Variants in CDK14 observed in about 807,000 individuals in gnomAD.
CDK14 encodes the protein cyclin-dependent kinase 14.
CDK14 carries 34 observed loss-of-function variants against 60.7 expected under a neutral mutation model. The ratio of observed to expected loss-of-function variants is 0.56; its 90% CI spans 0.43 to 0.75. CDK14 has a LOEUF of 0.75. CDK14 is among the 30% of genes least tolerant of loss of function. The probability of loss-of-function intolerance (pLI) is 0.00; values close to 1 mark genes in which losing one functional copy is unlikely to be tolerated. For synonymous variants in CDK14, 197 were observed against 203.7 expected, an observed-to-expected ratio of 0.97 and a Z score of 0.28; for missense variants, 482 against 564.1, an observed-to-expected ratio of 0.85 and a Z score of 1.47.
At chr7:90,722,565 G>A (rs768959549) in intron 2 of CDK14, among the ~76,000 whole-genome samples, 8 of 152,116 alleles carry the variant, frequency 5.3e-5, no homozygotes, top group East Asian at 1.9e-4. Context: ...AATGGTAAAC[G>A]TGAAATGTTT....
chr7:90,678,747 A>G (rs1488422218), intron 2 of CDK14, among the ~76,000 whole-genome samples: 1 of 152,154 alleles, frequency 6.6e-6, no homozygotes, highest in East Asian at 1.9e-4. Flanking sequence ...TTCATTGTTC[A>G]TTCATTCATT....
At chr7:91,056,677 C>A (rs1032282011) in intron 11 of CDK14, among the ~76,000 whole-genome samples, 21 of 151,342 alleles carry the variant, frequency 1.4e-4, no homozygotes, top group Non-Finnish European at 2.5e-4. Context: ...TTTGTCTTTG[C>A]GATAGTTTGC....
chr7:91,049,043 A>AT (rs35843929), intron 11 of CDK14, among the ~76,000 whole-genome samples: 97,602 of 148,104 alleles, frequency 0.66, 32,462 homozygotes, highest in East Asian at 0.91. Context: ...ATGTCTGGCT[A>AT]TTTTTTTTTT....
chr7:91,150,448 G>C (rs1394014557), intron 14 of CDK14, among the ~76,000 whole-genome samples: 2 of 151,290 alleles, frequency 1.3e-5, no homozygotes, highest in East Asian at 3.9e-4. Flanking sequence ...TTTCCAGATT[G>C]GTCTAAAAGG....
chr7:90,643,001 GT>G (rs1800376142), intron 2 of CDK14, among the ~76,000 whole-genome samples: 1 of 152,202 alleles, frequency 6.6e-6, no homozygotes, highest in Non-Finnish European at 1.5e-5. Context: ...ACTCAGAAAA[GT>G]TCCACATCTC....
intron 2 of CDK14, among the ~76,000 whole-genome samples, chr7:90,654,142 C>G (rs1335100593): frequency 6.6e-6 from 1 of 152,100 alleles, no homozygotes; most frequent in Non-Finnish European, 1.5e-5. Flanking sequence ...GTAAGGCATG[C>G]CTTCCTTTCT....
chr7:91,126,804 C>G (rs77977178), intron 14 of CDK14, among the ~76,000 whole-genome samples: 4 of 151,450 alleles, frequency 2.6e-5, no homozygotes, highest in African/African-American at 9.7e-5. Flanking sequence ...AGCCGCTTGC[C>G]TACTCCCTCA....
At chr7:90,808,475 A>G (rs949454458) in intron 5 of CDK14, among the ~76,000 whole-genome samples, 1 of 152,222 alleles carries the variant, frequency 6.6e-6, no homozygotes, top group African/African-American at 2.4e-5. Context: ...AGCACTAAAC[A>G]TAGAAAGGAA....
chr7:90,732,880 A>C (rs1311013889), intron 3 of CDK14, among the ~76,000 whole-genome samples: 1 of 152,126 alleles, frequency 6.6e-6, no homozygotes, highest in Non-Finnish European at 1.5e-5. Context: ...GTCTTCTGCT[A>C]GCTTTTGAAT....
intron 5 of CDK14, among the ~76,000 whole-genome samples, chr7:90,825,520 C>G (rs1789692896): frequency 6.6e-6 from 1 of 152,180 alleles, no homozygotes; most frequent in African/African-American, 2.4e-5. Flanking sequence ...ACATTTATAT[C>G]TTACTTAGAG....
At chr7:90,598,791 G>A (rs372755203) in intron 1 of CDK14, among the ~76,000 whole-genome samples, 1 of 128,440 alleles carries the variant, frequency 7.8e-6, no homozygotes, top group African/African-American at 2.9e-5. Context: ...TGCAAGCTCC[G>A]CCTCCCGGGT....
chr7:90,859,817 T>A (rs1790946336), intron 5 of CDK14, among the ~76,000 whole-genome samples: 2 of 152,080 alleles, frequency 1.3e-5, no homozygotes, highest in South Asian at 4.1e-4. Flanking sequence ...TGTATTATTA[T>A]TTGCCAAGGG....
At chr7:91,152,758 G>A (rs1283165404) in intron 14 of CDK14, among the ~76,000 whole-genome samples, 1 of 152,144 alleles carries the variant, frequency 6.6e-6, no homozygotes. Flanking sequence ...AAAATATGAT[G>A]TAGGAGACAG....
At chr7:91,112,290 G>A (rs1428916698) in intron 12 of CDK14, among the ~76,000 whole-genome samples, 7 of 151,766 alleles carry the variant, frequency 4.6e-5, no homozygotes, top group African/African-American at 9.7e-5. Context: ...TTATCTTTTC[G>A]GAAAGTATCA....
chr7:90,795,391 A>G lies in CDK14; in HGVS notation c.544+4739A>G, dbSNP rs1788379019. Among the ~76,000 whole-genome samples, 4 of 151,794 alleles carry G rather than the reference A, an allele frequency of 2.6e-5. No homozygotes were observed. The South Asian group carries it at 8.3e-4, about 31-fold the overall frequency. On this transcript the variant is annotated intron_variant, in intron 5 of 14. Coordinates refer to ENST00000380050, the MANE Select transcript of CDK14 (RefSeq NM_001287135.2). ...TTCCGGTATAGTTGTGTCTACTTAC[A>G]TATTTAAAGACTTTGTTTTATTATA... is the stretch of plus-strand genomic sequence containing the variant.
At chr7:90,800,043 A>AC (rs1788578907) in intron 5 of CDK14, among the ~76,000 whole-genome samples, 1 of 152,052 alleles carries the variant, frequency 6.6e-6, no homozygotes, top group Non-Finnish European at 1.5e-5. Context: ...GGAAAAGGGG[A>AC]CCTCTCATGG....
intron 14 of CDK14, among the ~76,000 whole-genome samples, chr7:91,181,862 CA>C (rs1282837493): frequency 2.0e-5 from 3 of 152,070 alleles, no homozygotes; most frequent in Admixed American, 6.5e-5. Context: ...TTTCCTGCTC[CA>C]GACATGGAAT....
At chr7:91,166,066 A>G (rs945808244) in intron 14 of CDK14, among the ~76,000 whole-genome samples, 2 of 152,200 alleles carry the variant, frequency 1.3e-5, no homozygotes, top group African/African-American at 2.4e-5. Flanking sequence ...ACACAAACCA[A>G]CTATCACAAA....
chr7:90,946,033 C>CA (rs1295920271), intron 8 of CDK14, among the ~76,000 whole-genome samples: 3 of 152,022 alleles, frequency 2.0e-5, no homozygotes, highest in Non-Finnish European at 4.4e-5. Context: ...GTGGCAGCAG[C>CA]AGTGGGGAAA....
Sources: gnomAD v4.1 joint callset for allele counts (sites outside exome capture counted in the v4.1 genomes callset) on GRCh38, gnomAD v4.1.1 for gene constraint, MANE v1.5 for transcripts, NCBI Gene and HGNC (gene_info 2026-07-23, HGNC 2026-07-21) for gene names.